The following CACNA2D3 variants were observed in gnomAD, a reference collection of about 807,000 sequenced individuals.
CACNA2D3 encodes voltage-dependent calcium channel subunit alpha-2/delta-3.
Under a neutral mutation model 160.6 loss-of-function variants are expected in CACNA2D3, and 60 were observed. The observed-to-expected ratio is 0.37, with a 90% CI of 0.30 to 0.46. The LOEUF (loss-of-function observed/expected upper bound fraction) is 0.46. Among genes scored for constraint, CACNA2D3 ranks in the 20% least tolerant of loss-of-function variants. The pLI is 1.00. For synonymous variants in CACNA2D3, 558 were observed against 492.9 expected (o/e 1.13, Z -1.75); for missense variants, 1,205 against 1,365.0 (o/e 0.88, Z 1.85).
At chr3:54,856,872 C>G (rs1699184092) in intron 17 of CACNA2D3, among the ~76,000 whole-genome samples, 1 of 152,132 alleles carries the variant, frequency 6.6e-6, no homozygotes, top group African/African-American at 2.4e-5. Context: ...TCTCCACCTC[C>G]CAGGTTCAAG....
chr3:54,610,549 A>C (rs1698731215), intron 9 of CACNA2D3, among the ~76,000 whole-genome samples: 1 of 152,134 alleles, frequency 6.6e-6, no homozygotes, highest in Non-Finnish European at 1.5e-5. Flanking sequence ...AGCATTTGAC[A>C]GACTAGATCT....
intron 34 of CACNA2D3, among the ~76,000 whole-genome samples, chr3:55,016,021 A>T (rs1275960603): frequency 1.3e-5 from 2 of 152,132 alleles, no homozygotes; most frequent in Non-Finnish European, 2.9e-5. Context: ...GGTCCATTTT[A>T]TTCTATTTTA....
chr3:54,744,078 C>T (rs1174097547), intron 11 of CACNA2D3, among the ~76,000 whole-genome samples: 4 of 152,178 alleles, frequency 2.6e-5, no homozygotes, highest in African/African-American at 9.7e-5. Context: ...GATGCCTATT[C>T]TGTCTCAGGG....
At chr3:54,512,549 T>A (rs1701476527) in intron 5 of CACNA2D3, among the ~76,000 whole-genome samples, 1 of 152,196 alleles carries the variant, frequency 6.6e-6, no homozygotes, top group Non-Finnish European at 1.5e-5. Flanking sequence ...GAAACCCTTT[T>A]TTCACTGCAG....
chr3:54,571,802 C>T (rs1390137892), intron 8 of CACNA2D3, among the ~76,000 whole-genome samples: 1 of 152,122 alleles, frequency 6.6e-6, no homozygotes, highest in Non-Finnish European at 1.5e-5. Context: ...TCCCATTCAC[C>T]ACATATGCTG....
intron 4 of CACNA2D3, among the ~76,000 whole-genome samples, chr3:54,439,333 T>TG (rs869041749): frequency 1.5e-4 from 22 of 147,966 alleles, no homozygotes; most frequent in African/African-American, 4.3e-4. Flanking sequence ...GTGTGTGTGT[T>TG]TGTGTGTGAA....
At position 54,595,313 on chromosome 3, in the gene CACNA2D3, GGTGT is replaced by G. The variant is rs71637562; in HGVS notation, c.963+13475_963+13478del. On this transcript the variant is annotated intron_variant, in intron 9 of 37. Coordinates refer to ENST00000474759, the MANE Select transcript of CACNA2D3 (RefSeq NM_018398.3). ...GGTCTGCTGAAAGCTCTGTGTGTGT[GGTGT>G]GTGTGTGTGTGTGTGTGTGTGTGTG... Among the ~76,000 whole-genome samples the G allele has an allele frequency of 6.7e-3, 882 of 132,190 alleles. 4 individuals carry two copies. Among genetic ancestry groups the G allele is most frequent in the South Asian group, 0.012 (50 of 4,044 alleles). The allele number at this position is 132,190 out of a possible 152,430, so 86.7% of individuals were successfully genotyped here.
At chr3:54,909,547 G>A (rs1477527932) in intron 27 of CACNA2D3, among the ~76,000 whole-genome samples, 4 of 151,918 alleles carry the variant, frequency 2.6e-5, no homozygotes, top group South Asian at 2.1e-4. Flanking sequence ...AAGAGTCCAA[G>A]CTTGTCCAAC....
chr3:54,254,722 G>C (rs1156734655), intron 2 of CACNA2D3, among the ~76,000 whole-genome samples: 2 of 136,080 alleles, frequency 1.5e-5, no homozygotes, highest in Non-Finnish European at 3.2e-5. Context: ...CAACCTATTT[G>C]AATCAAAGTA....
At chr3:54,881,889 C>G (rs767169379) in intron 21 of CACNA2D3, among the ~76,000 whole-genome samples, 5 of 152,330 alleles carry the variant, frequency 3.3e-5, no homozygotes, top group Middle Eastern at 3.4e-3. Context: ...CCCTGAGACG[C>G]CAAACCCCTA....
chr3:54,277,660 G>T (rs1380263125), intron 2 of CACNA2D3, among the ~76,000 whole-genome samples: 1 of 152,040 alleles, frequency 6.6e-6, no homozygotes, highest in Non-Finnish European at 1.5e-5. Flanking sequence ...TTCTAATTCT[G>T]TGAAGAAAGT....
chr3:54,814,814 TAG>T (rs1161267889), intron 13 of CACNA2D3, among the ~76,000 whole-genome samples: 1 of 151,428 alleles, frequency 6.6e-6, no homozygotes, highest in African/African-American at 2.4e-5. Context: ...AAAGATAAAA[TAG>T]AGAGAGAGAG....
chr3:55,021,354 A>G (rs1703439679), intron 35 of CACNA2D3, among the ~76,000 whole-genome samples: 1 of 151,622 alleles, frequency 6.6e-6, no homozygotes, highest in South Asian at 2.1e-4. Flanking sequence ...GCCCCCTTTT[A>G]AAGTTTTTAA....
intron 11 of CACNA2D3, among the ~76,000 whole-genome samples, chr3:54,718,771 T>C (rs944374168): frequency 3.3e-5 from 5 of 152,222 alleles, no homozygotes; most frequent in Non-Finnish European, 7.4e-5. Flanking sequence ...GAAGAAGGAT[T>C]GACGTATCTT....
intron 3 of CACNA2D3, among the ~76,000 whole-genome samples, chr3:54,360,515 G>A (rs974114674): frequency 6.6e-6 from 1 of 152,162 alleles, no homozygotes; most frequent in African/African-American, 2.4e-5. Flanking sequence ...GCAGGACTCA[G>A]GCTGCAGGGG....
chr3:54,337,533 G>A (rs570685415), intron 3 of CACNA2D3, among the ~76,000 whole-genome samples: 2 of 152,282 alleles, frequency 1.3e-5, no homozygotes, highest in African/African-American at 4.8e-5. Context: ...CTCTGCATTA[G>A]TGGAAAACTG....
intron 14 of CACNA2D3, among the ~76,000 whole-genome samples, chr3:54,822,790 C>CTTTTCTTTCTTTCTTTCTTTCTTTCTTTT (rs1491160047): frequency 1.8e-4 from 13 of 71,960 alleles, no homozygotes; most frequent in African/African-American, 6.9e-4. Context: ...TTCTTTCTTT[C>CTTTTCTTTCTTTCTTTCTTTCTTTCTTTT]CTTTCTTTCT....
At chr3:54,950,610 A>G (rs1241109194) in intron 27 of CACNA2D3, among the ~76,000 whole-genome samples, 1 of 152,130 alleles carries the variant, frequency 6.6e-6, no homozygotes, top group African/African-American at 2.4e-5. Context: ...CCAACAGGAG[A>G]GTGGACCTGC....
chr3:54,814,873 G>A (rs1703412994), intron 13 of CACNA2D3, among the ~76,000 whole-genome samples: 2 of 152,182 alleles, frequency 1.3e-5, no homozygotes, highest in South Asian at 2.1e-4. Context: ...CCAGCAGTTT[G>A]TGCAGGGCTT....
Sources: allele counts gnomAD v4.1 joint callset (sites outside exome capture counted in the v4.1 genomes callset), GRCh38; gene constraint gnomAD v4.1.1; transcripts MANE v1.5; gene names NCBI Gene and HGNC (gene_info 2026-07-23, HGNC 2026-07-21).